The following CTNNA3 variants were observed in gnomAD, a reference collection of about 807,000 sequenced individuals.
CTNNA3 encodes catenin alpha-3.
In CTNNA3, 76 loss-of-function variants were observed where a neutral mutation model predicts 95.7. That is an observed-to-expected ratio of 0.79 (90% confidence interval 0.66 to 0.96). The LOEUF (loss-of-function observed/expected upper bound fraction) is 0.96, where lower values mean the gene tolerates loss of function less well. Ranked by LOEUF, CTNNA3 falls within the 40% of genes least tolerant of loss-of-function variation. CTNNA3 has a pLI of 0.00. For missense variants in CTNNA3, 1,191 were observed against 1,089.8 expected (o/e 1.09, Z -1.31); for synonymous variants, 431 against 374.4 (o/e 1.15, Z -1.74).
intron 15 of CTNNA3, among the ~76,000 whole-genome samples, chr10:65,999,671 G>A (rs990833174): frequency 6.6e-6 from 1 of 152,066 alleles, no homozygotes; most frequent in African/African-American, 2.4e-5. Flanking sequence ...CTGAAACTAT[G>A]ATAAATTTTT....
At position 66,379,200 on chromosome 10, in the gene CTNNA3, C is replaced by T; in HGVS notation, c.1684G>A (p.Ala562Thr). The T allele has an allele frequency of 6.2e-7, 1 of 1,614,124 alleles. No individual in the cohort carries two copies. Among genetic ancestry groups the T allele is most frequent in the South Asian group, 1.1e-5 (1 of 91,084 alleles). Residue 562 changes from alanine (A) to threonine (T), a missense_variant, in exon 12 of 18, where the codon GCT becomes ACT. Ala to Thr is a moderately conservative substitution (Grantham distance 58, BLOSUM62 0). Transcript: ENST00000433211. ...TGEMDSYEPGAYTEGVMRNVN... is the reference protein window; with the variant it reads ...TGEMDSYEPGTYTEGVMRNVN... ...TTTCTCATTACACCTTCCGTGTAAG[C>T]CCCTGGCTCGTAACTGTCCATTTCA...
chr10:66,907,516 C>T (rs1846038573), intron 7 of CTNNA3, among the ~76,000 whole-genome samples: 1 of 152,098 alleles, frequency 6.6e-6, no homozygotes, highest in Non-Finnish European at 1.5e-5. Flanking sequence ...TCAGTTGCTT[C>T]CTGAAATCCT....
intron 15 of CTNNA3, among the ~76,000 whole-genome samples, chr10:65,992,558 C>A (rs760019485): frequency 4.0e-5 from 6 of 151,890 alleles, no homozygotes; most frequent in Non-Finnish European, 7.4e-5. Flanking sequence ...TGTCTGATGA[C>A]CTTTTGTATT....
chr10:66,752,109 T>C (rs529920859), intron 9 of CTNNA3, among the ~76,000 whole-genome samples: 14 of 152,270 alleles, frequency 9.2e-5, no homozygotes, highest in African/African-American at 3.4e-4. Flanking sequence ...TACTAAAATT[T>C]ACATGGAAAA....
chr10:67,388,779 T>G (rs940559721), intron 5 of CTNNA3, among the ~76,000 whole-genome samples: 1 of 152,030 alleles, frequency 6.6e-6, no homozygotes, highest in African/African-American at 2.4e-5. Flanking sequence ...GAAAAGAATT[T>G]TCAACCCAGA....
At chr10:65,959,125 T>G (rs2077790121) in intron 17 of CTNNA3, among the ~76,000 whole-genome samples, 1 of 152,112 alleles carries the variant, frequency 6.6e-6, no homozygotes. Context: ...GCTGCCACCT[T>G]GCAGTTCAAT....
At chr10:66,092,665 T>C (rs1376967599) in intron 14 of CTNNA3, among the ~76,000 whole-genome samples, 3 of 151,956 alleles carry the variant, frequency 2.0e-5, no homozygotes, top group African/African-American at 7.2e-5. Context: ...TTGGTGGCAT[T>C]ATAAACTACT....
chr10:66,488,628 A>C (rs534372330), intron 11 of CTNNA3, among the ~76,000 whole-genome samples: 1 of 152,312 alleles, frequency 6.6e-6, no homozygotes, highest in East Asian at 1.9e-4. Flanking sequence ...TAAACCATTT[A>C]TACTTAAATA....
intron 17 of CTNNA3, among the ~76,000 whole-genome samples, chr10:65,923,105 T>C (rs888328481): frequency 6.6e-6 from 1 of 152,112 alleles, no homozygotes; most frequent in Non-Finnish European, 1.5e-5. Flanking sequence ...CAATTGAAGA[T>C]GAGATTTGGG....
intron 7 of CTNNA3, among the ~76,000 whole-genome samples, chr10:66,908,845 T>C (rs894672627): frequency 6.6e-6 from 1 of 152,166 alleles, no homozygotes; most frequent in African/African-American, 2.4e-5. Context: ...CAAGTGTTTA[T>C]GATATGCCAG....
chr10:66,445,863 C>CA (rs1477790851), intron 11 of CTNNA3, among the ~76,000 whole-genome samples: 1 of 151,950 alleles, frequency 6.6e-6, no homozygotes, highest in Non-Finnish European at 1.5e-5. Context: ...AAAAAACTTT[C>CA]AAAAAATTAA....
At chr10:66,272,218 T>C (rs145926876) in intron 13 of CTNNA3, among the ~76,000 whole-genome samples, 199 of 152,290 alleles carry the variant, frequency 1.3e-3, no homozygotes, top group South Asian at 2.5e-3. Flanking sequence ...GTCCTGACAC[T>C]AGAAAAGAGT....
Position 66,976,702 on chromosome 10 carries a change from TTCG to T in CTNNA3, c.1048-201181_1048-201179del, listed in dbSNP as rs1330458031. On this transcript the variant is annotated intron_variant, in intron 7 of 17. Coordinates refer to ENST00000433211, the MANE Select transcript of CTNNA3 (RefSeq NM_013266.4). ...CTGCCACACTGATCTATTTACTTTCTTCGTCAATACAATTTTATTCTCTGAACT... is the reference window on the plus strand; with the variant it reads ...CTGCCACACTGATCTATTTACTTTCTTCAATACAATTTTATTCTCTGAACT... Among the ~76,000 whole-genome samples the T allele has an allele frequency of 2.0e-5, 3 of 152,234 alleles. No individual in the cohort carries two copies. In the East Asian group the frequency reaches 5.8e-4, roughly 29 times the overall value.
At chr10:66,194,366 G>T (rs1342834627) in intron 13 of CTNNA3, among the ~76,000 whole-genome samples, 1 of 152,150 alleles carries the variant, frequency 6.6e-6, no homozygotes, top group Non-Finnish European at 1.5e-5. Context: ...GATCACCTGA[G>T]GTCAGGAGTT....
At chr10:66,386,385 C>T (rs2092892457) in intron 11 of CTNNA3, among the ~76,000 whole-genome samples, 1 of 152,064 alleles carries the variant, frequency 6.6e-6, no homozygotes, top group Admixed American at 6.6e-5. Context: ...ATCCAACTTA[C>T]AAGGGAAGTG....
intron 11 of CTNNA3, among the ~76,000 whole-genome samples, chr10:66,510,352 ACT>A (rs1491317439): frequency 7.2e-6 from 1 of 138,186 alleles, no homozygotes; most frequent in African/African-American, 2.7e-5. Context: ...GGACAATTTG[ACT>A]TCCTCTTTTC....
At chr10:67,188,504 C>T (rs1287716889) in intron 6 of CTNNA3, among the ~76,000 whole-genome samples, 1 of 151,912 alleles carries the variant, frequency 6.6e-6, no homozygotes, top group African/African-American at 2.4e-5. Flanking sequence ...ATCTTGATGA[C>T]AAAGATGTAG....
chr10:66,077,596 G>A lies in CTNNA3; in HGVS notation c.1978-8107C>T, dbSNP rs1208875141. ...TCTTCACATAGATAAATTTCATTCAGGATCTTGGCATGTATCATAATGACA... is the reference window on the plus strand; with the variant it reads ...TCTTCACATAGATAAATTTCATTCAAGATCTTGGCATGTATCATAATGACA... On this transcript the variant is annotated intron_variant, in intron 14 of 17. Transcript: ENST00000433211. Among the ~76,000 whole-genome samples the A allele has an allele frequency of 2.0e-5, 3 of 151,674 alleles. No individual in the cohort carries two copies. In the East Asian group the frequency reaches 5.8e-4, roughly 29 times the overall value.
At chr10:66,020,297 T>C (rs932699543) in intron 15 of CTNNA3, among the ~76,000 whole-genome samples, 1 of 152,076 alleles carries the variant, frequency 6.6e-6, no homozygotes, top group African/African-American at 2.4e-5. Flanking sequence ...TTTGGCCAAA[T>C]AGACAGGAGG....
Sources: gnomAD v4.1 joint callset for allele counts (sites outside exome capture counted in the v4.1 genomes callset) on GRCh38, gnomAD v4.1.1 for gene constraint, MANE v1.5 for transcripts, NCBI Gene and HGNC (gene_info 2026-07-23, HGNC 2026-07-21) for gene names.